CPLX2: variants seen among roughly 807,000 people sequenced by gnomAD.
CPLX2 encodes complexin 2.
Under a neutral mutation model 16.3 loss-of-function variants are expected in CPLX2, and 5 were observed. That is an observed-to-expected ratio of 0.31 (90% CI 0.16 to 0.64). CPLX2 has a LOEUF of 0.64. CPLX2 is among the 30% of genes least tolerant of loss of function. The pLI, the probability that CPLX2 is intolerant of heterozygous loss-of-function variation, is 0.79. For missense variants in CPLX2, 144 were observed against 181.4 expected (o/e 0.79, Z 1.18); for synonymous variants, 89 against 73.2 (o/e 1.22, Z -1.10).
rs531703869 is a variant in CPLX2 at position 175,866,137 on chromosome 5, G to T, written c.-88-12515G>T. 6.6e-5 allele frequency among the ~76,000 whole-genome samples: 10 copies of T among 152,310 alleles called. No homozygotes were observed. The South Asian group carries it at 2.1e-3, about 32-fold the overall frequency. ...GAGGGTGGACAGACACTCAGGAGGG[G>T]GACCCTCTCGAGAGCATGGAAAGCA... On this transcript the variant is annotated intron_variant, in intron 2 of 4. Transcript: ENST00000359546.
intron 2 of CPLX2, among the ~76,000 whole-genome samples, chr5:175,857,724 A>C (rs1394160300): frequency 6.6e-6 from 1 of 151,314 alleles, no homozygotes; most frequent in East Asian, 1.9e-4. Flanking sequence ...CAAAAAAATC[A>C]TAAGTGGAAC....
chr5:175,879,609 C>T lies in CPLX2; in HGVS notation c.208-239C>T, dbSNP rs369760379. On this transcript the variant is annotated intron_variant, in intron 3 of 3. Coordinates refer to ENST00000393745, the MANE Select transcript of CPLX2 (RefSeq NM_001008220.2). Reference sequence around the variant, plus strand: ...GTTCAGATCTTTGGGGGTTTCAACACAGCAGGAAGTTCTGATGGGCAGGTG... The same window carrying T: ...GTTCAGATCTTTGGGGGTTTCAACATAGCAGGAAGTTCTGATGGGCAGGTG... 2.9e-5 allele frequency: 19 copies of T among 652,992 alleles called. 1 individual carries two copies. The highest frequency in any genetic ancestry group is 8.9e-5 in the African/African-American group (5 of 56,150). The allele number at this position is 652,992 out of a possible 1,614,324, so 40.4% of individuals were successfully genotyped here. A position where few individuals can be genotyped will look rare whatever the true frequency, so the allele number is the denominator to read the frequency against.
intron 1 of CPLX2, among the ~76,000 whole-genome samples, chr5:175,877,442 A>G (rs1310231145): frequency 6.6e-6 from 1 of 152,088 alleles, no homozygotes. Context: ...CCTTGAACCC[A>G]ACAAGGTTGC....
intron 2 of CPLX2, among the ~76,000 whole-genome samples, chr5:175,820,746 G>A (rs1758491198): frequency 6.6e-6 from 1 of 152,130 alleles, no homozygotes; most frequent in Non-Finnish European, 1.5e-5. Context: ...GCATCTCCAG[G>A]CACTGTGCTA....
intron 2 of CPLX2, among the ~76,000 whole-genome samples, chr5:175,862,897 C>A (rs116810935): frequency 6.6e-6 from 1 of 152,216 alleles, no homozygotes; most frequent in African/African-American, 2.4e-5. Context: ...TCCTCCAAAG[C>A]TGATGCCACA....
chr5:175,824,612 A>G (rs1333554012), intron 2 of CPLX2, among the ~76,000 whole-genome samples: 3 of 152,222 alleles, frequency 2.0e-5, no homozygotes, highest in Non-Finnish European at 4.4e-5. Context: ...GGGGACCTGA[A>G]AGTCAAGAGG....
chr5:175,859,661 G>C (rs1759325427), intron 2 of CPLX2, among the ~76,000 whole-genome samples: 1 of 152,248 alleles, frequency 6.6e-6, no homozygotes, highest in Admixed American at 6.5e-5. Context: ...GAGGGGGTGT[G>C]GAGATATGAA....
In CPLX2 at chr5:175,809,931, T is replaced by C. The variant is rs1758281649; in HGVS notation, c.-89+863T>C. Reference sequence around the variant, plus strand: ...GAGTGTATGTGGATATAGAGATCGCTCGATCGCTATAGATATCGTTGCTCA... The same window carrying C: ...GAGTGTATGTGGATATAGAGATCGCCCGATCGCTATAGATATCGTTGCTCA... On this transcript the variant is annotated intron_variant, in intron 2 of 4. Transcript: ENST00000359546. The surrounding 1 kb of genome is among the most constrained non-coding windows in gnomAD (Gnocchi z 4.4). 6.6e-6 allele frequency among the ~76,000 whole-genome samples: 1 copy of C among 152,212 alleles called. No individual in the cohort carries two copies. Among genetic ancestry groups the C allele is most frequent in the Admixed American group, 6.5e-5 (1 of 15,278 alleles).
chr5:175,878,683 G>T lies in CPLX2; in HGVS notation c.-57G>T. 6.3e-7 allele frequency: 1 copy of T among 1,598,130 alleles called. No homozygotes were observed. Among genetic ancestry groups the T allele is most frequent in the Non-Finnish European group, 8.5e-7 (1 of 1,172,064 alleles). ...ACATCTTCCCAAGCCAGGCCAGCCA[G>T]GAGCGCTGCATGCAAATTCTGCCGT... On this transcript the variant is annotated 5_prime_UTR_variant, in exon 2 of 4. The change creates a new upstream start codon in the 5' untranslated region. Transcript: ENST00000393745.
At chr5:175,834,898 C>A (rs1370721028) in intron 2 of CPLX2, among the ~76,000 whole-genome samples, 3 of 152,098 alleles carry the variant, frequency 2.0e-5, no homozygotes, top group African/African-American at 7.2e-5. Context: ...AAACAAAAAA[C>A]AAACAAACGA....
chr5:175,806,367 A>G (rs1758201268), intron 1 of CPLX2, among the ~76,000 whole-genome samples: 1 of 152,156 alleles, frequency 6.6e-6, no homozygotes, highest in African/African-American at 2.4e-5. Context: ...TCACCTTTTC[A>G]GAGAAGCCCT....
intron 2 of CPLX2, among the ~76,000 whole-genome samples, chr5:175,810,820 C>T (rs1758298800): frequency 6.6e-6 from 1 of 152,220 alleles, no homozygotes; most frequent in Admixed American, 6.5e-5. Flanking sequence ...CTACATAGTT[C>T]ACTTCTCAAA....
chr5:175,823,366 G>A (rs895432854), intron 2 of CPLX2, among the ~76,000 whole-genome samples: 1 of 152,136 alleles, frequency 6.6e-6, no homozygotes, highest in Admixed American at 6.5e-5. Flanking sequence ...TAGGATAGAT[G>A]AGGGTAGGTG....
chr5:175,797,504 C>A (rs1274911388), intron 1 of CPLX2, among the ~76,000 whole-genome samples: 3 of 152,196 alleles, frequency 2.0e-5, no homozygotes, highest in African/African-American at 7.2e-5. Flanking sequence ...TCCCTCCAGA[C>A]CCCCACCCCA....
At chr5:175,875,147 T>C (rs1453294669) in intron 1 of CPLX2, among the ~76,000 whole-genome samples, 1 of 152,056 alleles carries the variant, frequency 6.6e-6, no homozygotes, top group Non-Finnish European at 1.5e-5. Context: ...AGGGCTTGAC[T>C]GGGAGGTGAA....
Position 175,880,687 on chromosome 5 carries a change from T to C in CPLX2, c.*642T>C, listed in dbSNP as rs544033056. The stretch of plus-strand genomic sequence containing the variant: ...CCCCTGCCAAGCTGGTCCCTTCAAA[T>C]GGATCCTTTGTGGACTTTAGCTCAT... On this transcript the variant is annotated 3_prime_UTR_variant, in exon 4 of 4. Transcript: ENST00000393745. The C allele has an allele frequency of 1.3e-5, 2 of 155,966 alleles. No homozygotes were observed. The highest frequency in any genetic ancestry group is 4.8e-5 in the African/African-American group (2 of 41,568). The allele number at this position is 155,966 out of a possible 1,614,324, so 9.7% of individuals were successfully genotyped here. A position where few individuals can be genotyped will look rare whatever the true frequency, so the allele number is the denominator to read the frequency against.
intron 2 of CPLX2, among the ~76,000 whole-genome samples, chr5:175,852,786 C>G (rs907258135): frequency 6.6e-6 from 1 of 152,152 alleles, no homozygotes. Flanking sequence ...AGGGCTGACC[C>G]CAGAGAAAGC....
At chr5:175,851,388 T>A (rs1218820197) in intron 2 of CPLX2, among the ~76,000 whole-genome samples, 2 of 152,024 alleles carry the variant, frequency 1.3e-5, no homozygotes, top group African/African-American at 2.4e-5. Context: ...TCCTGGGTCA[T>A]AAACAGTCAC....
chr5:175,851,577 A>G (rs1330545700), intron 2 of CPLX2, among the ~76,000 whole-genome samples: 1 of 152,202 alleles, frequency 6.6e-6, no homozygotes, highest in Non-Finnish European at 1.5e-5. Context: ...GGTCCTCTGC[A>G]AGGCCCACAG....
Sources: gnomAD v4.1 joint callset for allele counts (sites outside exome capture counted in the v4.1 genomes callset) on GRCh38, gnomAD v4.1.1 for gene constraint, Gnocchi (gnomAD v3.1) non-coding constraint, MANE v1.5 for transcripts, NCBI Gene and HGNC (gene_info 2026-07-23, HGNC 2026-07-21) for gene names.